Variants in KCNMA1 observed in about 807,000 individuals in gnomAD.
KCNMA1 encodes potassium calcium-activated channel subfamily M alpha 1.
A neutral mutation model predicts 140.0 loss-of-function variants in KCNMA1; 29 were observed. That is an observed-to-expected ratio of 0.21 (90% CI 0.15 to 0.28). KCNMA1 has a LOEUF of 0.28. Among genes scored for constraint, KCNMA1 ranks in the 10% least tolerant of loss-of-function variants. The pLI is 1.00. For missense variants in KCNMA1, 880 were observed against 1,602.2 expected (o/e 0.55, Z 7.70); for synonymous variants, 612 against 611.9 (o/e 1.00, Z 0.00).
At chr10:77,382,440 G>A (rs2095423469) in intron 2 of KCNMA1, among the ~76,000 whole-genome samples, 1 of 152,190 alleles carries the variant, frequency 6.6e-6, no homozygotes, top group South Asian at 2.1e-4. Flanking sequence ...TGGAGGAGAA[G>A]AGCCCCTATC....
chr10:77,236,434 G>C (rs1373505991), intron 3 of KCNMA1, among the ~76,000 whole-genome samples: 1 of 152,184 alleles, frequency 6.6e-6, no homozygotes, highest in East Asian at 1.9e-4. Flanking sequence ...GTTGATGTCA[G>C]AGGGAGGATG....
intron 14 of KCNMA1, among the ~76,000 whole-genome samples, chr10:77,067,854 A>G (rs1310054762): frequency 2.0e-5 from 3 of 152,202 alleles, no homozygotes; most frequent in African/African-American, 7.2e-5. Context: ...AGCTTACCAG[A>G]GCTTCCTAGA....
chr10:77,246,433 C>T (rs566122182), intron 3 of KCNMA1, among the ~76,000 whole-genome samples: 4 of 152,338 alleles, frequency 2.6e-5, no homozygotes, highest in Admixed American at 6.5e-5. Context: ...TTCCCTCCAA[C>T]GACTTGCCCT....
chr10:77,013,483 T>C (rs954317251), intron 17 of KCNMA1, among the ~76,000 whole-genome samples: 1 of 152,108 alleles, frequency 6.6e-6, no homozygotes, highest in Admixed American at 6.5e-5. Flanking sequence ...AGTGGCAATG[T>C]GGCTAAGAAC....
chr10:77,575,165 G>A (rs777911578), intron 1 of KCNMA1, among the ~76,000 whole-genome samples: 9 of 152,256 alleles, frequency 5.9e-5, no homozygotes, highest in Non-Finnish European at 1.3e-4. Flanking sequence ...TGCCCAGAAC[G>A]AGCCGGCCAG....
intron 1 of KCNMA1, among the ~76,000 whole-genome samples, chr10:77,581,976 T>C (rs4979892): frequency 0.43 from 64,955 of 152,138 alleles, 14,174 homozygotes; most frequent in Middle Eastern, 0.57. Flanking sequence ...AAGCTGGCCA[T>C]AGAGTAAAAC....
At chr10:77,334,354 C>A (rs555397642) in intron 2 of KCNMA1, among the ~76,000 whole-genome samples, 1 of 152,134 alleles carries the variant, frequency 6.6e-6, no homozygotes, top group African/African-American at 2.4e-5. Flanking sequence ...TATCAAGGGT[C>A]TTTATATATG....
chr10:77,397,851 T>G (rs2154455500), intron 2 of KCNMA1, among the ~76,000 whole-genome samples: 1 of 152,292 alleles, frequency 6.6e-6, no homozygotes, highest in South Asian at 2.1e-4. Context: ...TCCCACTTAT[T>G]CATGAGAACA....
intron 17 of KCNMA1, among the ~76,000 whole-genome samples, chr10:77,016,532 T>C (rs181808143): frequency 4.4e-4 from 67 of 152,212 alleles, no homozygotes; most frequent in Admixed American, 1.6e-3. Flanking sequence ...TCAGGAGAAA[T>C]GAGTAATAAG....
At chr10:77,636,359 T>C (rs2093724762) in intron 1 of KCNMA1, 2 of 1,532,330 alleles carry the variant, frequency 1.3e-6, no homozygotes, top group Non-Finnish European at 1.7e-6. Flanking sequence ...CCAGCCTCAG[T>C]GCCGGTGGGC....
chr10:77,063,914 G>A (rs1595091446), intron 14 of KCNMA1: 1 of 985,388 alleles, frequency 1.0e-6, no homozygotes, highest in Non-Finnish European at 1.2e-6. Flanking sequence ...TGTTCAATAA[G>A]ATGGCTCTTA....
chr10:77,574,011 T>C (rs1020338451), intron 1 of KCNMA1, among the ~76,000 whole-genome samples: 1 of 151,984 alleles, frequency 6.6e-6, no homozygotes, highest in African/African-American at 2.4e-5. Context: ...AATTTTTGTA[T>C]TTTTAGTAGA....
chr10:77,637,250 CG>C lies in KCNMA1; in HGVS notation c.378+14del. On this transcript the variant is annotated intron_variant, in intron 1 of 27. Transcript: ENST00000286628. ...GGGGCTGGCGCAGAGGGCGGGCGCC[CG>C]GGGCGCGCGTTACCTTCGTCTTGCC... The C allele has an allele frequency of 6.3e-7, 1 of 1,592,146 alleles. No homozygotes were observed. Among genetic ancestry groups the C allele is most frequent in the Non-Finnish European group, 8.6e-7 (1 of 1,166,980 alleles).
intron 1 of KCNMA1, among the ~76,000 whole-genome samples, chr10:77,554,131 C>A (rs2063551759): frequency 6.6e-6 from 1 of 152,186 alleles, no homozygotes; most frequent in Admixed American, 6.5e-5. Context: ...CTCTTGGTAA[C>A]AAGCCAAGCC....
chr10:77,144,579 A>T (rs1361858567), intron 5 of KCNMA1, among the ~76,000 whole-genome samples: 1 of 152,212 alleles, frequency 6.6e-6, no homozygotes, highest in East Asian at 1.9e-4. Context: ...ATTTTATTGC[A>T]TGTATAATAT....
intron 19 of KCNMA1, chr10:76,973,304 T>A (rs1482596838): frequency 6.6e-6 from 1 of 152,484 alleles, no homozygotes; most frequent in Non-Finnish European, 1.5e-5. Flanking sequence ...CAAGTACTCA[T>A]AAAATTCAAG....
chr10:77,536,014 A>G (rs2058800897), intron 1 of KCNMA1, among the ~76,000 whole-genome samples: 1 of 152,238 alleles, frequency 6.6e-6, no homozygotes, highest in Non-Finnish European at 1.5e-5. Flanking sequence ...TTTATTCTAC[A>G]TTTCAAAATA....
chr10:77,552,710 G>A (rs963212716), intron 1 of KCNMA1, among the ~76,000 whole-genome samples: 1 of 152,188 alleles, frequency 6.6e-6, no homozygotes, highest in Non-Finnish European at 1.5e-5. Flanking sequence ...CTAGGGACCA[G>A]CGGTGGCCTG....
intron 2 of KCNMA1, among the ~76,000 whole-genome samples, chr10:77,397,985 GT>G (rs1215753357): frequency 2.0e-5 from 3 of 151,276 alleles, no homozygotes; most frequent in African/African-American, 7.3e-5. Flanking sequence ...TATTGTGTGT[GT>G]TTGTATATAT....
Sources: gnomAD v4.1 joint callset for allele counts (sites outside exome capture counted in the v4.1 genomes callset) on GRCh38, gnomAD v4.1.1 for gene constraint, MANE v1.5 for transcripts, NCBI Gene and HGNC (gene_info 2026-07-23, HGNC 2026-07-21) for gene names.